TMEM131L: variants seen among roughly 807,000 people sequenced by gnomAD.
TMEM131L encodes transmembrane 131 like.
TMEM131L carries 54 observed loss-of-function variants against 192.2 expected under a neutral mutation model. That is an observed-to-expected ratio of 0.28 (90% CI 0.23 to 0.35). TMEM131L has a LOEUF of 0.35. Among genes scored for constraint, TMEM131L ranks in the 10% least tolerant of loss-of-function variants. The probability of loss-of-function intolerance (pLI) is 1.00; values close to 1 mark genes in which losing one functional copy is unlikely to be tolerated. For synonymous variants in TMEM131L, 701 were observed against 704.9 expected, an observed-to-expected ratio of 0.99 and a Z score of 0.09; for missense variants, 1,888 against 1,972.9, an observed-to-expected ratio of 0.96 and a Z score of 0.82.
rs200100527 is a variant in TMEM131L, at chr4:153,632,826, C to T, written c.4316C>T (p.Pro1439Leu). The T allele has an allele frequency of 1.1e-4, 183 of 1,614,060 alleles. No individual in the cohort carries two copies. Among genetic ancestry groups the T allele is most frequent in the Non-Finnish European group, 1.5e-4 (172 of 1,180,002 alleles). The stretch of plus-strand genomic sequence containing the variant: ...CCTTGTGTGATTCAGGAGTCGGCCC[C>T]GGTTCATAATAGGTACAGCTTCACT... ...GVPCVIQESA[P>L]VHNSFIDWSA... The change falls in exon 32 of 35, where the codon CCG (proline) becomes CTG (leucine). Residue 1439 changes from proline (P) to leucine (L), a missense_variant. Physicochemically the swap from Pro to Leu is moderately conservative, Grantham distance 98 (BLOSUM62 -3). Transcript: ENST00000409959.
intron 7 of TMEM131L, among the ~76,000 whole-genome samples, chr4:153,577,067 A>C (rs374578894): frequency 1.4e-3 from 208 of 152,290 alleles, no homozygotes; most frequent in African/African-American, 4.7e-3. Context: ...AGGGTATTTA[A>C]GCCAGGACAT....
At chr4:153,470,027 GTCTT>G (rs1335930232) in intron 2 of TMEM131L, among the ~76,000 whole-genome samples, 2 of 150,776 alleles carry the variant, frequency 1.3e-5, no homozygotes, top group African/African-American at 2.4e-5. Flanking sequence ...TGTTGATTAA[GTCTT>G]TTTTTTTTTT....
chr4:153,507,807 A>C lies in TMEM131L; in HGVS notation c.239+33919A>C, dbSNP rs1438128915. Among the ~76,000 whole-genome samples the C allele has an allele frequency of 2.6e-5, 4 of 152,066 alleles. No individual in the cohort carries two copies. The East Asian group carries it at 5.8e-4, about 22-fold the overall frequency. Reference sequence around the variant, plus strand: ...CCTCATCGTAATACAGCTGGGGTGCATCTAGTGGCCATGTTGGCAGCTGCT... The same window carrying C: ...CCTCATCGTAATACAGCTGGGGTGCCTCTAGTGGCCATGTTGGCAGCTGCT... On this transcript the variant is annotated intron_variant, in intron 3 of 34. Transcript: ENST00000409959.
At chr4:153,608,813 G>A (rs1732416867) in intron 25 of TMEM131L, among the ~76,000 whole-genome samples, 1 of 152,190 alleles carries the variant, frequency 6.6e-6, no homozygotes, top group South Asian at 2.1e-4. Context: ...GATCACTTGT[G>A]TCTTGTTCTT....
intron 3 of TMEM131L, among the ~76,000 whole-genome samples, chr4:153,539,717 A>T (rs921847288): frequency 6.6e-6 from 1 of 151,924 alleles, no homozygotes; most frequent in African/African-American, 2.4e-5. Flanking sequence ...GAATAGTTAG[A>T]AATTTTTCAT....
intron 7 of TMEM131L, among the ~76,000 whole-genome samples, chr4:153,561,952 A>C (rs1291897161): frequency 7.0e-6 from 1 of 141,984 alleles, no homozygotes; most frequent in African/African-American, 2.8e-5. Flanking sequence ...AGTATTTAAA[A>C]ATCTGAATAT....
chr4:153,514,311 C>T (rs1012519648), intron 3 of TMEM131L, among the ~76,000 whole-genome samples: 42 of 152,154 alleles, frequency 2.8e-4, no homozygotes, highest in African/African-American at 9.9e-4. Flanking sequence ...CAGAGGCTAT[C>T]GTGAATTATT....
intron 3 of TMEM131L, among the ~76,000 whole-genome samples, chr4:153,480,474 C>G (rs1049483923): frequency 6.9e-6 from 1 of 144,504 alleles, no homozygotes; most frequent in South Asian, 2.3e-4. Flanking sequence ...GAGCTGAGAT[C>G]GCGCAACTGC....
intron 7 of TMEM131L, among the ~76,000 whole-genome samples, chr4:153,579,440 T>G (rs1355075466): frequency 1.3e-5 from 2 of 152,202 alleles, no homozygotes; most frequent in East Asian, 3.8e-4. Flanking sequence ...AAAAGAGTGT[T>G]TAATGTTTGG....
intron 3 of TMEM131L, among the ~76,000 whole-genome samples, chr4:153,531,549 A>T (rs1229765248): frequency 2.0e-5 from 3 of 152,270 alleles, no homozygotes; most frequent in Non-Finnish European, 4.4e-5. Flanking sequence ...CAGAATAAAA[A>T]TTGAGTTGTC....
intron 3 of TMEM131L, among the ~76,000 whole-genome samples, chr4:153,527,214 T>A (rs896725976): frequency 6.6e-6 from 1 of 151,786 alleles, no homozygotes; most frequent in African/African-American, 2.4e-5. Flanking sequence ...AAGGGGGAGG[T>A]GAAAGTAATT....
At chr4:153,583,510 G>C (rs1025374295) in intron 10 of TMEM131L, 54 bp from the exon 11 acceptor site, 1 of 1,200,136 alleles carries the variant, frequency 8.3e-7, no homozygotes, top group Non-Finnish European at 1.2e-6. Context: ...ATTCAAACTG[G>C]ATAAATACTC....
At chr4:153,601,535 A>G (rs1361199213) in intron 21 of TMEM131L, among the ~76,000 whole-genome samples, 2 of 152,238 alleles carry the variant, frequency 1.3e-5, no homozygotes, top group African/African-American at 4.8e-5. Flanking sequence ...TCTAAAACAA[A>G]CAAACACCTG....
chr4:153,486,308 T>G (rs1732327313), intron 3 of TMEM131L, among the ~76,000 whole-genome samples: 1 of 152,224 alleles, frequency 6.6e-6, no homozygotes, highest in South Asian at 2.1e-4. Flanking sequence ...TGTGGAAAAT[T>G]TAAATCTGAA....
At chr4:153,573,594 T>G (rs1025984726) in intron 7 of TMEM131L, among the ~76,000 whole-genome samples, 1 of 152,242 alleles carries the variant, frequency 6.6e-6, no homozygotes, top group Non-Finnish European at 1.5e-5. Flanking sequence ...CCAACACAGA[T>G]GACTTCCACT....
intron 2 of TMEM131L, among the ~76,000 whole-genome samples, chr4:153,470,465 G>C (rs1731073892): frequency 7.4e-6 from 1 of 135,050 alleles, no homozygotes; most frequent in African/African-American, 3.6e-5. Flanking sequence ...ATACTCTCAT[G>C]TCATAAAATC....
chr4:153,538,537 T>A (rs1236058461), intron 3 of TMEM131L, among the ~76,000 whole-genome samples: 2 of 150,024 alleles, frequency 1.3e-5, no homozygotes, highest in Non-Finnish European at 3.0e-5. Flanking sequence ...TGACTTTTAT[T>A]GCTTCAGCCA....
intron 3 of TMEM131L, among the ~76,000 whole-genome samples, chr4:153,540,888 G>A (rs1046058401): frequency 6.6e-6 from 1 of 152,172 alleles, no homozygotes; most frequent in African/African-American, 2.4e-5. Flanking sequence ...TCTGCTTAGG[G>A]TTCGTGTGAA....
intron 7 of TMEM131L, among the ~76,000 whole-genome samples, chr4:153,563,263 A>G (rs1159511435): frequency 6.6e-6 from 1 of 152,174 alleles, no homozygotes; most frequent in Non-Finnish European, 1.5e-5. Flanking sequence ...GTAAAATGGG[A>G]GATGTGCTTG....
Sources: allele counts gnomAD v4.1 joint callset (sites outside exome capture counted in the v4.1 genomes callset), GRCh38; gene constraint gnomAD v4.1.1; transcripts MANE v1.5; gene names NCBI Gene and HGNC (gene_info 2026-07-23, HGNC 2026-07-21).